CEP128: variants seen among roughly 807,000 people sequenced by gnomAD.
The protein encoded by CEP128 is centrosomal protein 128kDa.
In CEP128, 132 loss-of-function variants were observed where a neutral mutation model predicts 156.7. The ratio of observed to expected loss-of-function variants is 0.84; its 90% confidence interval spans 0.73 to 0.97. CEP128 has a LOEUF of 0.97. Ranked by LOEUF, CEP128 falls within the 50% of genes least tolerant of loss-of-function variation. The pLI, the probability that CEP128 is intolerant of heterozygous loss-of-function variation, is 0.00. For missense variants in CEP128, 1,252 were observed against 1,281.9 expected, an observed-to-expected ratio of 0.98 and a Z score of 0.36; for synonymous variants, 469 against 448.9, an observed-to-expected ratio of 1.04 and a Z score of -0.57.
intron 16 of CEP128, among the ~76,000 whole-genome samples, chr14:80,776,069 G>A (rs1247387734): frequency 6.6e-6 from 1 of 152,062 alleles, no homozygotes; most frequent in East Asian, 1.9e-4. Context: ...CCTAACCTCA[G>A]GTGATCCGCC....
rs768630275 is a variant in CEP128 at position 80,906,058 on chromosome 14, T to A, written c.258A>T (p.Ser86=). The A allele has an allele frequency of 6.2e-7, 1 of 1,605,224 alleles. No individual in the cohort carries two copies. The highest frequency in any genetic ancestry group is 1.3e-5 in the African/African-American group (1 of 74,512). ...AACGTTGACTCCGGAGTTGGTCGATTGATTGTTCCAAGCTTTCTTTTAACT... is the reference window on the plus strand; with the variant it reads ...AACGTTGACTCCGGAGTTGGTCGATAGATTGTTCCAAGCTTTCTTTTAACT... ...IEHLKESLEQ[S]IDQLRSQRLL... The change falls in exon 5 of 25, where the codon TCA becomes TCT. Residue 86 remains serine (S), a synonymous_variant. Coordinates refer to ENST00000555265, the MANE Select transcript of CEP128 (RefSeq NM_152446.5).
chr14:80,627,827 G>A (rs1290788057), intron 19 of CEP128, among the ~76,000 whole-genome samples: 1 of 151,026 alleles, frequency 6.6e-6, no homozygotes, highest in Admixed American at 6.6e-5. Flanking sequence ...TGCTCACTGA[G>A]GTTTTTGGTG....
chr14:80,478,055 CCA>C (rs1222463711), exon 15 of CEP128: 3 of 152,108 alleles, frequency 2.0e-5, no homozygotes. Flanking sequence ...CATCTGACAC[CCA>C]CAGTTTTTTC....
At chr14:80,587,351 C>A (rs1891862479) in intron 19 of CEP128, among the ~76,000 whole-genome samples, 1 of 152,270 alleles carries the variant, frequency 6.6e-6, no homozygotes, top group Non-Finnish European at 1.5e-5. Context: ...TTGTCTCAGA[C>A]ACTGAAACAA....
chr14:80,746,212 TA>T (rs1272892686), intron 18 of CEP128, among the ~76,000 whole-genome samples: 1 of 152,176 alleles, frequency 6.6e-6, no homozygotes, highest in African/African-American at 2.4e-5. Flanking sequence ...CTGGCTTCTT[TA>T]AAGGAATAGA....
intron 19 of CEP128, among the ~76,000 whole-genome samples, chr14:80,594,125 T>C (rs964144321): frequency 1.3e-5 from 2 of 152,030 alleles, no homozygotes; most frequent in African/African-American, 4.8e-5. Flanking sequence ...AACACAGATA[T>C]ATAGACAAAT....
intron 23 of CEP128, among the ~76,000 whole-genome samples, chr14:80,506,644 A>G (rs1463886167): frequency 6.6e-6 from 1 of 152,150 alleles, no homozygotes; most frequent in Non-Finnish European, 1.5e-5. Context: ...TAACATGACC[A>G]TCTGATGAAT....
At chr14:80,505,050 G>T in intron 23 of CEP128, 30 bp from the exon 24 acceptor site, 1 of 1,180,898 alleles carries the variant, frequency 8.5e-7, no homozygotes, top group South Asian at 1.4e-5. Flanking sequence ...GCATTTCAAT[G>T]ATTACACAAG....
chr14:80,533,607 T>C (rs1444098154), intron 21 of CEP128, among the ~76,000 whole-genome samples: 1 of 152,174 alleles, frequency 6.6e-6, no homozygotes, highest in African/African-American at 2.4e-5. Context: ...TGAGTGAATT[T>C]TGAAAAACTC....
In CEP128 at chr14:80,899,797, A is replaced by T. The variant is rs1883424712; in HGVS notation, c.572+141T>A. The T allele has an allele frequency of 7.1e-6, 4 of 563,374 alleles. No homozygotes were observed. In the Admixed American group the frequency reaches 1.2e-4, roughly 17 times the overall value. 34.9% of individuals were successfully genotyped at this position (563,374 alleles called of 1,614,324 possible). On this transcript the variant is annotated intron_variant, in intron 7 of 24. Coordinates refer to ENST00000555265, the MANE Select transcript of CEP128 (RefSeq NM_152446.5). The stretch of plus-strand genomic sequence containing the variant: ...ATATATTCTAAATTCAAAGGGCTGT[A>T]AACTGTTCTGTTAATAAATTTTAAG...
intron 19 of CEP128, among the ~76,000 whole-genome samples, chr14:80,634,740 T>C (rs927212728): frequency 3.9e-5 from 6 of 152,220 alleles, no homozygotes; most frequent in Non-Finnish European, 8.8e-5. Flanking sequence ...CACATGTCTT[T>C]TTTTCCATTT....
intron 8 of CEP128, among the ~76,000 whole-genome samples, chr14:80,876,937 C>G (rs994270228): frequency 6.6e-6 from 1 of 152,258 alleles, no homozygotes; most frequent in South Asian, 2.1e-4. Context: ...AACAGTAAAT[C>G]TAAGGGTAAA....
intron 12 of CEP128, among the ~76,000 whole-genome samples, chr14:80,834,983 G>A (rs1885999197): frequency 6.6e-6 from 1 of 152,176 alleles, no homozygotes; most frequent in South Asian, 2.1e-4. Flanking sequence ...GGGTCACGTA[G>A]ACAGGTCCCT....
chr14:80,683,129 A>C (rs959439984), intron 19 of CEP128, among the ~76,000 whole-genome samples: 1 of 152,168 alleles, frequency 6.6e-6, no homozygotes, highest in Non-Finnish European at 1.5e-5. Flanking sequence ...AAATATCAAT[A>C]TTAACCTTGA....
At chr14:80,487,502 A>T (rs1412213902), downstream of CEP128, among the ~76,000 whole-genome samples, 1 of 152,202 alleles carries the variant, frequency 6.6e-6, no homozygotes, top group Non-Finnish European at 1.5e-5. Flanking sequence ...CCAGGAATTG[A>T]ACTCAGCTCT....
At chr14:80,627,904 T>C (rs1257910118) in intron 19 of CEP128, among the ~76,000 whole-genome samples, 3 of 152,146 alleles carry the variant, frequency 2.0e-5, no homozygotes, top group Non-Finnish European at 4.4e-5. Flanking sequence ...TACCAGAGAT[T>C]GTATTCTAAT....
At chr14:80,933,333 A>G (rs918815266) in intron 2 of CEP128, among the ~76,000 whole-genome samples, 1 of 152,152 alleles carries the variant, frequency 6.6e-6, no homozygotes, top group African/African-American at 2.4e-5. Flanking sequence ...ACCTCCAACA[A>G]GGTAGGAATC....
intron 19 of CEP128, among the ~76,000 whole-genome samples, chr14:80,647,037 G>GTATATATA (rs60895994): frequency 4.3e-5 from 3 of 69,616 alleles, no homozygotes; most frequent in Non-Finnish European, 8.6e-5. Context: ...ATGTGTGCAT[G>GTATATATA]TATATATATA....
chr14:80,508,830 T>C (rs183704289), intron 23 of CEP128, among the ~76,000 whole-genome samples: 1 of 152,330 alleles, frequency 6.6e-6, no homozygotes, highest in Admixed American at 6.5e-5. Flanking sequence ...GGTATTTTGA[T>C]ACAGGCATAC....
Sources: gnomAD v4.1 joint callset for allele counts (sites outside exome capture counted in the v4.1 genomes callset) on GRCh38, gnomAD v4.1.1 for gene constraint, MANE v1.5 for transcripts, NCBI Gene and HGNC (gene_info 2026-07-23, HGNC 2026-07-21) for gene names.